GRID1: variants seen among roughly 807,000 people sequenced by gnomAD.
GRID1 encodes glutamate ionotropic receptor delta type subunit 1.
In GRID1, 28 loss-of-function variants were observed where a neutral mutation model predicts 98.0. That is an observed-to-expected ratio of 0.29 (90% CI 0.21 to 0.39). The LOEUF is 0.39. GRID1 is among the 10% of genes least tolerant of loss of function. The pLI, the probability that GRID1 is intolerant of heterozygous loss-of-function variation, is 1.00. For synonymous variants in GRID1, 553 were observed against 538.5 expected, an observed-to-expected ratio of 1.03 and a Z score of -0.37; for missense variants, 1,111 against 1,340.5, an observed-to-expected ratio of 0.83 and a Z score of 2.67.
chr10:85,749,112 C>T (rs977152905), intron 8 of GRID1, among the ~76,000 whole-genome samples: 3 of 152,170 alleles, frequency 2.0e-5, no homozygotes, highest in South Asian at 2.1e-4. Flanking sequence ...TATTTTTACT[C>T]GGGCCTCAAG....
chr10:86,168,367 C>A (rs1845431698), intron 3 of GRID1, among the ~76,000 whole-genome samples: 1 of 152,166 alleles, frequency 6.6e-6, no homozygotes, highest in Admixed American at 6.5e-5. Flanking sequence ...TGACCCCAGG[C>A]TGGGAAAAGT....
intron 3 of GRID1, among the ~76,000 whole-genome samples, chr10:86,149,621 A>C (rs1845135097): frequency 6.6e-6 from 1 of 152,290 alleles, no homozygotes; most frequent in Non-Finnish European, 1.5e-5. Context: ...AATTTAAAAT[A>C]AACGTCTACT....
chr10:86,045,321 G>A (rs1217338223), intron 4 of GRID1, among the ~76,000 whole-genome samples: 1 of 152,124 alleles, frequency 6.6e-6, no homozygotes, highest in Non-Finnish European at 1.5e-5. Flanking sequence ...TGGCTTTTTG[G>A]ACCGAGGTCT....
chr10:86,311,352 C>T (rs962370303), intron 2 of GRID1, among the ~76,000 whole-genome samples: 3 of 152,046 alleles, frequency 2.0e-5, no homozygotes, highest in Non-Finnish European at 4.4e-5. Flanking sequence ...GCTGGGAGAC[C>T]TAGTCGGGGC....
Position 85,798,187 on chromosome 10 carries a change from ATAT to A in GRID1, c.1233+56306_1233+56308del, listed in dbSNP as rs1842543311. Among the ~76,000 whole-genome samples the A allele has an allele frequency of 2.0e-5, 3 of 152,326 alleles. No individual in the cohort carries two copies. The South Asian group carries it at 6.2e-4, about 32-fold the overall frequency. Reference sequence around the variant, plus strand: ...TTTAAGTTCTTAACAATCACAATAAATATTATTGTCAGTTTGAAGGCAGTGATT... The same window carrying A: ...TTTAAGTTCTTAACAATCACAATAAATATTGTCAGTTTGAAGGCAGTGATT... On this transcript the variant is annotated intron_variant, in intron 8 of 15. Coordinates refer to ENST00000327946, the MANE Select transcript of GRID1 (RefSeq NM_017551.3).
intron 2 of GRID1, among the ~76,000 whole-genome samples, chr10:86,316,972 C>G (rs1847908251): frequency 6.6e-6 from 1 of 152,162 alleles, no homozygotes; most frequent in African/African-American, 2.4e-5. Context: ...TTCAGTCCAG[C>G]TGGTGGGGGT....
chr10:85,741,977 G>C (rs145118062), intron 8 of GRID1, among the ~76,000 whole-genome samples: 105 of 152,278 alleles, frequency 6.9e-4, no homozygotes, highest in African/African-American at 2.3e-3. Context: ...GGTCTTGCCT[G>C]ATGAGGTTTA....
chr10:86,125,976 T>C (rs1476215773), intron 4 of GRID1, among the ~76,000 whole-genome samples: 1 of 152,162 alleles, frequency 6.6e-6, no homozygotes, highest in Admixed American at 6.5e-5. Context: ...GAGTTAAGTT[T>C]TGGGGGAGTC....
chr10:86,186,517 T>C (rs182583710), intron 3 of GRID1, among the ~76,000 whole-genome samples: 63 of 152,308 alleles, frequency 4.1e-4, no homozygotes, highest in African/African-American at 1.4e-3. Flanking sequence ...TTTGAGGACT[T>C]TCTGCTTCTC....
intron 2 of GRID1, among the ~76,000 whole-genome samples, chr10:86,346,774 ACTCCTCCTTGTC>A (rs1454300675): frequency 3.3e-5 from 5 of 151,748 alleles, no homozygotes; most frequent in African/African-American, 1.2e-4. Flanking sequence ...CTGGCCCAGG[ACTCCTCCTTGTC>A]CCTTGGAACC....
intron 8 of GRID1, among the ~76,000 whole-genome samples, chr10:85,831,421 C>G (rs184155056): frequency 6.6e-6 from 1 of 151,656 alleles, no homozygotes; most frequent in Non-Finnish European, 1.5e-5. Flanking sequence ...GCATATATAC[C>G]CCTGAAGCTA....
chr10:85,938,162 T>C (rs1378565855), intron 4 of GRID1, among the ~76,000 whole-genome samples: 1 of 152,164 alleles, frequency 6.6e-6, no homozygotes, highest in Admixed American at 6.5e-5. Flanking sequence ...CCAGGGGGAA[T>C]CTGGATGGGA....
At chr10:85,731,372 C>T (rs1841819692) in intron 8 of GRID1, among the ~76,000 whole-genome samples, 1 of 150,810 alleles carries the variant, frequency 6.6e-6, no homozygotes, top group African/African-American at 2.4e-5. Context: ...AATTTGGGGG[C>T]ATTGAGATAA....
At chr10:85,726,981 G>T (rs1841767749) in intron 10 of GRID1, among the ~76,000 whole-genome samples, 1 of 152,184 alleles carries the variant, frequency 6.6e-6, no homozygotes, top group South Asian at 2.1e-4. Context: ...GACAAGCCTA[G>T]TGTCTGCCTT....
chr10:85,770,168 C>T (rs570285451), intron 8 of GRID1, among the ~76,000 whole-genome samples: 4 of 152,276 alleles, frequency 2.6e-5, no homozygotes, highest in Admixed American at 6.5e-5. Flanking sequence ...TCGCGGTTCA[C>T]GAAAATCTGC....
intron 9 of GRID1, 28 bp downstream of exon 9, chr10:85,729,485 C>A (rs3812647): frequency 0.027 from 36,526 of 1,336,216 alleles, 1,155 homozygotes; most frequent in African/African-American, 0.14. Flanking sequence ...TGGTGTAGCT[C>A]GCTCCCAGAA....
intron 2 of GRID1, among the ~76,000 whole-genome samples, chr10:86,358,534 G>A (rs149227601): frequency 0.011 from 1,618 of 152,130 alleles, 31 homozygotes; most frequent in African/African-American, 0.036. Context: ...AAAGGCAGGC[G>A]GATCACGAGG....
At chr10:85,602,879 G>T (rs959118076) in intron 15 of GRID1, among the ~76,000 whole-genome samples, 178 bp from the exon 16 acceptor site, 2 of 152,094 alleles carry the variant, frequency 1.3e-5, no homozygotes, top group African/African-American at 2.4e-5. Context: ...CAGTTATCTG[G>T]AGAAGCCAGG....
chr10:85,892,682 T>TA (rs1049949092), intron 5 of GRID1, among the ~76,000 whole-genome samples: 8 of 151,878 alleles, frequency 5.3e-5, no homozygotes, highest in East Asian at 3.9e-4. Context: ...CTAGATCTGC[T>TA]AAAAAAATAG....
Sources: allele counts gnomAD v4.1 joint callset (sites outside exome capture counted in the v4.1 genomes callset), GRCh38; gene constraint gnomAD v4.1.1; transcripts MANE v1.5; gene names NCBI Gene and HGNC (gene_info 2026-07-23, HGNC 2026-07-21).